Variants in ATP5F1B observed in about 807,000 individuals in gnomAD.
The protein encoded by ATP5F1B is ATP synthase F(1) complex subunit beta, mitochondrial.
ATP5F1B carries 17 observed loss-of-function variants against 45.9 expected under a neutral mutation model. The ratio of observed to expected loss-of-function variants is 0.37; its 90% CI spans 0.25 to 0.56. The LOEUF is 0.56. Among genes scored for constraint, ATP5F1B ranks in the 20% least tolerant of loss-of-function variants. The pLI is 0.80. For synonymous variants in ATP5F1B, 218 were observed against 256.5 expected (o/e 0.85, Z 1.43); for missense variants, 387 against 673.2 (o/e 0.57, Z 4.70).
chr12:56,644,746 T>G, intron 3 of ATP5F1B, 35 bp downstream of exon 3: 1 of 1,574,572 alleles, frequency 6.4e-7, no homozygotes, highest in Non-Finnish European at 8.6e-7. Flanking sequence ...ATAACAGAAG[T>G]TCCTTTGTGC....
Position 56,638,303 on chromosome 12 carries a change from G to C in ATP5F1B, c.*20C>G. ...TGGGTTAGGGGCAAGGAGAGAGACA[G>C]TACAGAGGACAAAGACCCCTCACGA... On this transcript the variant is annotated 3_prime_UTR_variant, in exon 10 of 10. Coordinates refer to ENST00000262030, the MANE Select transcript of ATP5F1B (RefSeq NM_001686.4). 2 of 1,603,978 alleles carry C rather than the reference G, an allele frequency of 1.2e-6. No individual in the cohort carries two copies. Among genetic ancestry groups the C allele is most frequent in the Non-Finnish European group, 1.7e-6 (2 of 1,171,036 alleles).
chr12:56,639,015 T>G, intron 9 of ATP5F1B, 91 bp downstream of exon 9: 1 of 1,194,352 alleles, frequency 8.4e-7, no homozygotes, highest in Non-Finnish European at 1.2e-6. Flanking sequence ...AAAAATATAA[T>G]TAAGCATAGT....
intron 7 of ATP5F1B, among the ~76,000 whole-genome samples, chr12:56,642,186 G>A (rs1454495780): frequency 6.6e-6 from 1 of 151,644 alleles, no homozygotes; most frequent in Admixed American, 6.6e-5. Flanking sequence ...TAGTAGAGAC[G>A]GGATTTCACC....
intron 1 of ATP5F1B, among the ~76,000 whole-genome samples, 193 bp from the exon 2 acceptor site, chr12:56,645,546 C>G (rs1412004983): frequency 6.6e-6 from 1 of 152,188 alleles, no homozygotes; most frequent in African/African-American, 2.4e-5. Flanking sequence ...CATCCGCATG[C>G]ACAAGACCCC....
chr12:56,641,104 C>G (rs1304186332), intron 7 of ATP5F1B, among the ~76,000 whole-genome samples: 1 of 151,520 alleles, frequency 6.6e-6, no homozygotes, highest in Non-Finnish European at 1.5e-5. Flanking sequence ...GTGGCTCAAG[C>G]CTATAATCCC....
chr12:56,645,117 T>G, intron 2 of ATP5F1B, 54 bp downstream of exon 2: 1 of 1,611,264 alleles, frequency 6.2e-7, no homozygotes, highest in Non-Finnish European at 8.5e-7. Context: ...AGCTTGGTTT[T>G]GGGGATATTT....
intron 4 of ATP5F1B, 107 bp from the exon 5 acceptor site, chr12:56,643,694 G>C: frequency 6.3e-7 from 1 of 1,578,796 alleles, no homozygotes; most frequent in Non-Finnish European, 8.7e-7. Context: ...CTCAGAAATT[G>C]CATCTGGCTT....
Position 56,645,859 on chromosome 12 carries a change from G to A in ATP5F1B, c.105C>T (p.Ala35=), listed in dbSNP as rs1951545831. ...SLPPAQLLLR[A]APTAVHPVRD... is the part of the protein sequence containing the mutation. ...TACCAGGATGGACCGCCGTCGGAGCGGCCCGCAGTAAGAGCTGAGCTGGGG... is the reference window on the plus strand; with the variant it reads ...TACCAGGATGGACCGCCGTCGGAGCAGCCCGCAGTAAGAGCTGAGCTGGGG... Residue 35 remains alanine (A), a synonymous_variant, in exon 1 of 10, where the codon GCC becomes GCT. Transcript: ENST00000262030. 1.2e-6 allele frequency: 2 copies of A among 1,609,324 alleles called. No individual in the cohort carries two copies. Among genetic ancestry groups the A allele is most frequent in the East Asian group, 2.2e-5 (1 of 44,718 alleles).
Position 56,642,711 on chromosome 12 carries a change from T to C in ATP5F1B, c.913A>G (p.Ile305Val). ...DQEGQDVLLF[I>V]DNIFRFTQAG... ...TGGGTGAAGCGAAAGATGTTATCAATAAATAGCAGTACATCTTGACCTTCT... is the reference window on the plus strand; with the variant it reads ...TGGGTGAAGCGAAAGATGTTATCAACAAATAGCAGTACATCTTGACCTTCT... The change falls in exon 6 of 10, where the codon ATT becomes GTT. Residue 305 changes from isoleucine (I) to valine (V), a missense_variant. Around this residue, in one of 6 missense-constraint regions of ATP5F1B, gnomAD observed 154 missense variants for 361.4 expected, o/e 0.43. Transcript: ENST00000262030. 2 of 1,614,202 alleles carry C rather than the reference T, an allele frequency of 1.2e-6. No homozygotes were observed. The highest frequency in any genetic ancestry group is 1.7e-6 in the Non-Finnish European group (2 of 1,180,040).
intron 4 of ATP5F1B, 99 bp from the exon 5 acceptor site, chr12:56,643,686 C>T (rs1438498092): frequency 1.3e-6 from 2 of 1,583,416 alleles, no homozygotes; most frequent in Non-Finnish European, 1.7e-6. Context: ...TATTCCTTCT[C>T]AGAAATTGCA....
At chr12:56,645,759 C>G in intron 1 of ATP5F1B, 78 bp downstream of exon 1, 1 of 1,564,006 alleles carries the variant, frequency 6.4e-7, no homozygotes, top group Non-Finnish European at 8.7e-7. Context: ...ATCCCTTAGG[C>G]CCGAGCTACC....
Position 56,642,676 on chromosome 12 carries a change from T to C in ATP5F1B, c.948A>G (p.Ser316=), listed in dbSNP as rs895828024. ...CCTCTCAAGCCTTCCCTCTTACCTC[T>C]GAACCAGCCTGGGTGAAGCGAAAGA... ...DNIFRFTQAG[S]EVSALLGRIP... The change falls in exon 6 of 10, where the codon TCA becomes TCG. Residue 316 remains serine, a synonymous_variant. Coordinates refer to ENST00000262030, the MANE Select transcript of ATP5F1B (RefSeq NM_001686.4). 2 of 1,614,054 alleles carry C rather than the reference T, an allele frequency of 1.2e-6. No individual in the cohort carries two copies. Among genetic ancestry groups the C allele is most frequent in the Non-Finnish European group, 1.7e-6 (2 of 1,180,020 alleles).
At chr12:56,643,345 G>C (rs930615354) in intron 5 of ATP5F1B, 58 bp downstream of exon 5, 4 of 1,433,816 alleles carry the variant, frequency 2.8e-6, no homozygotes, top group Admixed American at 4.2e-5. Context: ...CATGGCTTCA[G>C]TTGGCAATAG....
intron 7 of ATP5F1B, among the ~76,000 whole-genome samples, chr12:56,640,775 G>T (rs1430855272): frequency 6.6e-6 from 1 of 151,268 alleles, no homozygotes; most frequent in East Asian, 1.9e-4. Context: ...GGCCAGGCAC[G>T]GTGGCTCATG....
rs558886020 is a variant in ATP5F1B, at chr12:56,643,236, G to A, written c.792+167C>T. 3 of 558,062 alleles carry A rather than the reference G, an allele frequency of 5.4e-6. 1 individual carries two copies. The highest frequency in any genetic ancestry group is 3.7e-5 in the South Asian group (1 of 27,282). The allele number at this position is 558,062 out of a possible 1,614,324, so 34.6% of individuals were successfully genotyped here. A position where few individuals can be genotyped will look rare whatever the true frequency, so the allele number is the denominator to read the frequency against. On this transcript the variant is annotated intron_variant, in intron 5 of 9. Coordinates refer to ENST00000262030, the MANE Select transcript of ATP5F1B (RefSeq NM_001686.4). The stretch of plus-strand genomic sequence containing the variant: ...CATTTGTGTATTGGAAGTTGGGGGG[G>A]AAAACACTAACAGGTTTCCTTTGTA...
chr12:56,645,427 A>T, intron 1 of ATP5F1B, 74 bp from the exon 2 acceptor site: 1 of 1,480,062 alleles, frequency 6.8e-7, no homozygotes, highest in East Asian at 2.3e-5. Flanking sequence ...GACTTAACAC[A>T]CAAGGAGAGG....
At position 56,638,273 on chromosome 12, in the gene ATP5F1B, CT is replaced by C; in HGVS notation, c.*49del. ...GTGCAGCCTACACAGAAAAATGAAG[CT>C]TTTTGGGTTAGGGGCAAGGAGAGAG... On this transcript the variant is annotated 3_prime_UTR_variant, in exon 10 of 10. Coordinates refer to ENST00000262030, the MANE Select transcript of ATP5F1B (RefSeq NM_001686.4). 6.7e-7 allele frequency: 1 copy of C among 1,502,198 alleles called. No individual in the cohort carries two copies. The highest frequency in any genetic ancestry group is 9.2e-7 in the Non-Finnish European group (1 of 1,087,220). The allele number at this position is 1,502,198 out of a possible 1,614,324, so 93.1% of individuals were successfully genotyped here.
rs930615354 is a variant in ATP5F1B at position 56,643,345 on chromosome 12, G to A, written c.792+58C>T. ...ATAGAAAATATAGAACATGGCTTCA[G>A]TTGGCAATAGTTTCCTGGCGTAACT... On this transcript the variant is annotated intron_variant, in intron 5 of 9. Transcript: ENST00000262030. The A allele has an allele frequency of 2.1e-6, 3 of 1,433,816 alleles. No homozygotes were observed. The African/African-American group carries it at 4.3e-5, about 20-fold the overall frequency. 88.8% of individuals were successfully genotyped at this position (1,433,816 alleles called of 1,614,324 possible).
chr12:56,640,595 T>C (rs543929802), intron 7 of ATP5F1B, among the ~76,000 whole-genome samples: 1 of 152,244 alleles, frequency 6.6e-6, no homozygotes, highest in South Asian at 2.1e-4. Flanking sequence ...TCCATATTCT[T>C]AGCACTCAAA....
Sources: gnomAD v4.1 joint callset for allele counts (sites outside exome capture counted in the v4.1 genomes callset) on GRCh38, gnomAD v4.1.1 for gene constraint, gnomAD v4.1.1 regional missense constraint, MANE v1.5 for transcripts, NCBI Gene and HGNC (gene_info 2026-07-23, HGNC 2026-07-21) for gene names.